The following DST variants were observed in gnomAD, a reference collection of about 807,000 sequenced individuals.
DST encodes the protein bullous pemphigoid antigen.
A neutral mutation model predicts 875.2 loss-of-function variants in DST; 253 were observed. That is an observed-to-expected ratio of 0.29 (90% CI 0.26 to 0.32). The LOEUF (loss-of-function observed/expected upper bound fraction) is 0.32, where lower values mean the gene tolerates loss of function less well. Ranked by LOEUF, DST falls within the 10% of genes least tolerant of loss-of-function variation. The pLI, the probability that DST is intolerant of heterozygous loss-of-function variation, is 1.00. For missense variants in DST, 8,287 were observed against 9,111.6 expected, an observed-to-expected ratio of 0.91 and a Z score of 3.68; for synonymous variants, 3,124 against 3,197.1, an observed-to-expected ratio of 0.98 and a Z score of 0.77.
chr6:56,646,031 GAAAACAAAAC>G, intron 14 of DST, 38 bp from the exon 15 acceptor site: 1 of 1,598,306 alleles, frequency 6.3e-7, no homozygotes, highest in Middle Eastern at 1.7e-4. Flanking sequence ...AAGCAAAAAT[GAAAACAAAAC>G]AAAACAAAGA....
chr6:56,911,822 A>G (rs1349219536), intron 2 of DST, among the ~76,000 whole-genome samples: 1 of 152,188 alleles, frequency 6.6e-6, no homozygotes, highest in African/African-American at 2.4e-5. Flanking sequence ...TAAATGTTAG[A>G]TTAGCCCAAG....
rs747475936 is a variant in DST at position 56,509,683 on chromosome 6, A to G, written c.18971T>C (p.Ile6324Thr). 9.9e-6 allele frequency: 16 copies of G among 1,613,582 alleles called. No homozygotes were observed. The African/African-American group carries it at 1.7e-4, about 18-fold the overall frequency. Residue 6324 changes from isoleucine to threonine, a missense_variant, in exon 74 of 104, where the codon ATT (isoleucine) becomes ACT (threonine). This residue lies in a region of DST where 1,292 missense variants were observed against 1,552.7 expected (regional missense o/e 0.83). Coordinates refer to ENST00000680361, the MANE Select transcript of DST (RefSeq NM_001374736.1). ...ETLKQRGEEM[I>T]ARSGGTDKDI... ...TTTATCAGTCCCCCCAGATCTAGCAATCATTTCCTCTCCCCTCTGTTTAAG... is the reference window on the plus strand; with the variant it reads ...TTTATCAGTCCCCCCAGATCTAGCAGTCATTTCCTCTCCCCTCTGTTTAAG...
In DST at chr6:56,608,588, C is replaced by A; in HGVS notation, c.6040G>T (p.Gly2014Trp). Reference sequence around the variant, plus strand: ...CTAGCAGTGTCCCTGTCAATCACCCCTTCTCTGACAGCTTCTTCAACAGTC... The same window carrying A: ...CTAGCAGTGTCCCTGTCAATCACCCATTCTCTGACAGCTTCTTCAACAGTC... ...RMTVEEAVRE[G>W]VIDRDTASSI... The change falls in exon 40 of 104, where the codon GGG becomes TGG. Residue 2014 changes from glycine to tryptophan, a missense_variant. Physicochemically the swap from Gly to Trp is radical, Grantham distance 184 (BLOSUM62 -2). Around this residue, in one of 10 missense-constraint regions of DST, gnomAD observed 3,138 missense variants for 3,116.6 expected, o/e 1.01. Transcript: ENST00000680361. 1 of 1,613,448 alleles carries A rather than the reference C, an allele frequency of 6.2e-7. No homozygotes were observed. The highest frequency in any genetic ancestry group is 1.3e-5 in the African/African-American group (1 of 75,038).
At chr6:56,653,960 T>TTC (rs2098990215) in intron 10 of DST, among the ~76,000 whole-genome samples, 1 of 152,188 alleles carries the variant, frequency 6.6e-6, no homozygotes, top group African/African-American at 2.4e-5. Flanking sequence ...AAGGTTTCAT[T>TTC]TCTTCGTAAC....
At chr6:56,681,076 T>C (rs1394862036) in intron 9 of DST, among the ~76,000 whole-genome samples, 2 of 152,230 alleles carry the variant, frequency 1.3e-5, no homozygotes, top group African/African-American at 4.8e-5. Context: ...GCTACAAAGC[T>C]GATACTCTTA....
intron 4 of DST, among the ~76,000 whole-genome samples, chr6:56,766,828 G>A (rs1384502184): frequency 6.6e-6 from 1 of 152,216 alleles, no homozygotes; most frequent in East Asian, 1.9e-4. Flanking sequence ...ACCGCACACA[G>A]CCTTGCAGTA....
At chr6:56,704,396 G>C in intron 5 of DST, 27 bp from the exon 6 acceptor site, 1 of 1,108,306 alleles carries the variant, frequency 9.0e-7, no homozygotes, top group South Asian at 1.5e-5. Flanking sequence ...AAAATTTGGG[G>C]TCCTAGAACT....
At chr6:56,791,541 C>G (rs922785477) in intron 4 of DST, among the ~76,000 whole-genome samples, 9 of 152,278 alleles carry the variant, frequency 5.9e-5, no homozygotes, top group African/African-American at 2.2e-4. Context: ...AATCCCCACA[C>G]TTTGGGAGGC....
chr6:56,594,576 GACAA>G (rs1289793595), intron 47 of DST, among the ~76,000 whole-genome samples: 2 of 151,924 alleles, frequency 1.3e-5, no homozygotes, highest in Non-Finnish European at 2.9e-5. Flanking sequence ...CTAATTTTTG[GACAA>G]ACAAGTATAA....
chr6:56,555,149 A>G (rs1299019176), intron 60 of DST, among the ~76,000 whole-genome samples, 196 bp downstream of exon 60: 1 of 152,208 alleles, frequency 6.6e-6, no homozygotes, highest in East Asian at 1.9e-4. Context: ...TTATGTGTGT[A>G]GAATGACCCT....
intron 9 of DST, among the ~76,000 whole-genome samples, chr6:56,674,586 C>T (rs9396231): frequency 0.64 from 96,988 of 152,122 alleles, 33,085 homozygotes; most frequent in African/African-American, 0.89. Context: ...CGTGAGCCAC[C>T]GCACCTGGCC....
At chr6:56,580,003 C>T (rs937766207) in intron 49 of DST, among the ~76,000 whole-genome samples, 5 of 152,174 alleles carry the variant, frequency 3.3e-5, no homozygotes, top group African/African-American at 1.2e-4. Context: ...GAAGACAATT[C>T]CACCGTTCGG....
At position 56,608,495 on chromosome 6, in the gene DST, C is replaced by G. The variant is rs1488779626; in HGVS notation, c.6133G>C (p.Val2045Leu). ...IQSNPAKRLT[V>L]DEAVQCDLIT... ...AAATCACACTGTACTGCTTCGTCTACAGTTAAACGCTTGGCAGGGTTTGAC... is the reference window on the plus strand; with the variant it reads ...AAATCACACTGTACTGCTTCGTCTAGAGTTAAACGCTTGGCAGGGTTTGAC... Residue 2045 changes from valine (V) to leucine (L), a missense_variant, in exon 40 of 104, where the codon GTA (valine) becomes CTA (leucine). Physicochemically the swap from Val to Leu is conservative, Grantham distance 32. Transcript: ENST00000680361. 6.2e-7 allele frequency: 1 copy of G among 1,613,632 alleles called. No individual in the cohort carries two copies. Among genetic ancestry groups the G allele is most frequent in the Non-Finnish European group, 8.5e-7 (1 of 1,179,758 alleles).
intron 4 of DST, among the ~76,000 whole-genome samples, chr6:56,769,896 C>T (rs1203936149): frequency 6.6e-6 from 1 of 152,200 alleles, no homozygotes; most frequent in African/African-American, 2.4e-5. Flanking sequence ...ATTATCCATA[C>T]TCTGCCCACT....
At position 56,701,957 on chromosome 6, in the gene DST, T is replaced by C. The variant is rs1230612122; in HGVS notation, c.885A>G (p.Glu295=). 3 of 1,609,670 alleles carry C rather than the reference T, an allele frequency of 1.9e-6. No individual in the cohort carries two copies. The highest frequency in any genetic ancestry group is 2.5e-6 in the Non-Finnish European group (3 of 1,176,606). ...GTCTGTGAAAACGCATCCGACCTTT[T>C]TCTCTGGGCTAAGAACAGAAAAATG... The part of the protein sequence containing the change: ...DVEDEDKGPR[E]KGRMRFHRLQ... The change falls in exon 8 of 104, where the codon GAA becomes GAG. Residue 295 remains glutamate, a synonymous_variant. Coordinates refer to ENST00000680361, the MANE Select transcript of DST (RefSeq NM_001374736.1).
chr6:56,770,051 T>C lies in DST; in HGVS notation c.626-34762A>G, dbSNP rs534971562. 8.5e-5 allele frequency among the ~76,000 whole-genome samples: 13 copies of C among 152,346 alleles called. No individual in the cohort carries two copies. In the South Asian group the frequency reaches 2.7e-3, roughly 32 times the overall value. Reference sequence around the variant, plus strand: ...ATGTTCCTTTGCTGACTTCCTTCAGTCAAGCCTCACTATATGTTCTCATTG... The same window carrying C: ...ATGTTCCTTTGCTGACTTCCTTCAGCCAAGCCTCACTATATGTTCTCATTG... On this transcript the variant is annotated intron_variant, in intron 4 of 103. Coordinates refer to ENST00000680361, the MANE Select transcript of DST (RefSeq NM_001374736.1).
At chr6:56,866,240 C>T (rs572278040) in intron 3 of DST, among the ~76,000 whole-genome samples, 9 of 152,308 alleles carry the variant, frequency 5.9e-5, no homozygotes, top group Admixed American at 5.2e-4. Context: ...GCAGATGATC[C>T]ACCCACTGGG....
chr6:56,535,538 T>G (rs1006664850), intron 62 of DST, among the ~76,000 whole-genome samples: 1 of 152,050 alleles, frequency 6.6e-6, no homozygotes, highest in African/African-American at 2.4e-5. Context: ...ATCTTGGAGG[T>G]TTTTGGATTG....
At chr6:56,676,792 A>C (rs2099132615) in intron 9 of DST, among the ~76,000 whole-genome samples, 1 of 152,302 alleles carries the variant, frequency 6.6e-6, no homozygotes, top group Middle Eastern at 3.4e-3. Context: ...AAAGACAAAT[A>C]TTGAATGATC....
Sources: gnomAD v4.1 joint callset for allele counts (sites outside exome capture counted in the v4.1 genomes callset) on GRCh38, gnomAD v4.1.1 for gene constraint, gnomAD v4.1.1 regional missense constraint, MANE v1.5 for transcripts, NCBI Gene and HGNC (gene_info 2026-07-23, HGNC 2026-07-21) for gene names.